Variants in CNOT9 observed in about 807,000 individuals in gnomAD.
CNOT9 encodes the protein CCR4-NOT transcription complex subunit 9, also known as RCD1 required for cell differentiation1 homolog.
In CNOT9, 8 loss-of-function variants were observed where a neutral mutation model predicts 37.4. The observed-to-expected ratio is 0.21, with a 90% CI of 0.13 to 0.39. The LOEUF is 0.39. Among genes scored for constraint, CNOT9 ranks in the 10% least tolerant of loss-of-function variants. The probability of loss-of-function intolerance (pLI) is 1.00; values close to 1 mark genes in which losing one functional copy is unlikely to be tolerated. For synonymous variants in CNOT9, 120 were observed against 137.6 expected (o/e 0.87, Z 0.90); for missense variants, 154 against 365.3 (o/e 0.42, Z 4.71).
intron 1 of CNOT9, among the ~76,000 whole-genome samples, chr2:218,578,810 A>G (rs1468016079): frequency 1.3e-5 from 2 of 152,216 alleles, no homozygotes; most frequent in African/African-American, 4.8e-5. Context: ...TTTTCCAGAT[A>G]AGAATAATTA....
At chr2:218,588,287 C>CTTTTTT (rs539751873) in intron 5 of CNOT9, among the ~76,000 whole-genome samples, 4,796 of 141,316 alleles carry the variant, frequency 0.034, 110 homozygotes, top group East Asian at 0.097. Context: ...AATCATATAT[C>CTTTTTT]TTTTTTTTTT....
intron 1 of CNOT9, 117 bp downstream of exon 1, chr2:218,569,095 T>TC (rs949826820): frequency 8.0e-6 from 9 of 1,119,230 alleles, no homozygotes; most frequent in Non-Finnish European, 1.2e-5. Flanking sequence ...GCCCTCAATC[T>TC]CCAAGGCCCC....
At chr2:218,585,649 T>TTA (rs1559248575) in intron 4 of CNOT9, among the ~76,000 whole-genome samples, 29 of 151,490 alleles carry the variant, frequency 1.9e-4, no homozygotes, top group South Asian at 6.2e-4. Flanking sequence ...TTTTTTTTTT[T>TTA]TTTTTTTGAG....
In CNOT9 at chr2:218,592,014, A is replaced by G. The variant is rs600057; in HGVS notation, c.541-290A>G. Reference sequence around the variant, plus strand: ...AGAATTTGATAATTACACGGAACCTACCCTTGTATGTAAAGTGAGAATAAT... The same window carrying G: ...AGAATTTGATAATTACACGGAACCTGCCCTTGTATGTAAAGTGAGAATAAT... On this transcript the variant is annotated intron_variant, in intron 5 of 7. Coordinates refer to ENST00000273064, the MANE Select transcript of CNOT9 (RefSeq NM_005444.3). The surrounding 1 kb of genome is among the most constrained non-coding windows in gnomAD (Gnocchi z 4.1). Among the ~76,000 whole-genome samples the G allele has an allele frequency of 0.61, 91,999 of 151,802 alleles. 28,085 individuals carry two copies. Among genetic ancestry groups the G allele is most frequent in the East Asian group, 0.78 (4,028 of 5,164 alleles).
At chr2:218,573,899 C>T (rs2106079248) in intron 1 of CNOT9, 2 of 296,214 alleles carry the variant, frequency 6.8e-6, no homozygotes, top group African/African-American at 4.6e-5. Context: ...GAGTTACCAC[C>T]TAAATTTTGA....
Position 218,583,223 on chromosome 2 carries a change from GTGTGTGTGTGTCTCTCTCTC to G in CNOT9, c.320+139_320+158del, listed in dbSNP as rs1456559122. On this transcript the variant is annotated intron_variant, in intron 3 of 7. Transcript: ENST00000273064. ...TGTGTGTGTGTGTGTGTGTGTGTGT[GTGTGTGTGTGTCTCTCTCTC>G]TCTCTCTCTCTCTCTCTCTCTCTCT... 115 of 365,104 alleles carry G rather than the reference GTGTGTGTGTGTCTCTCTCTC, an allele frequency of 3.1e-4. No individual in the cohort carries two copies. The East Asian group carries it at 4.7e-3, about 15-fold the overall frequency. The allele number at this position is 365,104 out of a possible 1,614,324, so 22.6% of individuals were successfully genotyped here. A position where few individuals can be genotyped will look rare whatever the true frequency, so the allele number is the denominator to read the frequency against.
rs567174355 is a variant in CNOT9, at chr2:218,570,137, G to C, written c.24+1159G>C. Among the ~76,000 whole-genome samples, 6 of 152,270 alleles carry C rather than the reference G, an allele frequency of 3.9e-5. No homozygotes were observed. In the South Asian group the frequency reaches 1.0e-3, roughly 26 times the overall value. On this transcript the variant is annotated intron_variant, in intron 1 of 7. Coordinates refer to ENST00000273064, the MANE Select transcript of CNOT9 (RefSeq NM_005444.3). ...TTGCTGCATGAAAGAATATTGAAGG[G>C]AAGGTGACCACTGAAAGAACATTGC...
chr2:218,584,474 C>T (rs1306801007), intron 3 of CNOT9, 138 bp from the exon 4 acceptor site: 1 of 717,552 alleles, frequency 1.4e-6, no homozygotes, highest in African/African-American at 1.7e-5. Context: ...AGACTAATGA[C>T]CAGTAACATT....
intron 1 of CNOT9, among the ~76,000 whole-genome samples, chr2:218,569,962 C>G (rs1046545879): frequency 6.6e-6 from 1 of 152,166 alleles, no homozygotes; most frequent in Non-Finnish European, 1.5e-5. Flanking sequence ...GTAGAGTACC[C>G]TTTACAGCCC....
chr2:218,588,587 C>CTTTT (rs1173246487), intron 5 of CNOT9, among the ~76,000 whole-genome samples: 6 of 36,302 alleles, frequency 1.7e-4, no homozygotes, highest in East Asian at 2.3e-3. Flanking sequence ...CTCCACCCGG[C>CTTTT]CTTTTTTTTT....
At chr2:218,578,684 T>C (rs1367447310) in intron 1 of CNOT9, among the ~76,000 whole-genome samples, 5 of 152,156 alleles carry the variant, frequency 3.3e-5, no homozygotes, top group Non-Finnish European at 1.5e-5. Context: ...TTATTTCTCA[T>C]GGTTGGGGGC....
intron 3 of CNOT9, 91 bp downstream of exon 3, chr2:218,583,177 G>A (rs1389934322): frequency 2.6e-6 from 2 of 769,138 alleles, no homozygotes; most frequent in African/African-American, 1.7e-5. Context: ...GCATGGAGGA[G>A]AGAGAGAGAG....
intron 3 of CNOT9, 116 bp from the exon 4 acceptor site, chr2:218,584,496 G>A: frequency 1.3e-6 from 1 of 787,760 alleles, no homozygotes; most frequent in Non-Finnish European, 2.2e-6. Flanking sequence ...TTTTCCTAAG[G>A]ATTCCTTGCT....
At position 218,581,099 on chromosome 2, in the gene CNOT9, G is replaced by A. The variant is rs535207065; in HGVS notation, c.204+359G>A. 447 of 451,086 alleles carry A rather than the reference G, an allele frequency of 9.9e-4. 8 individuals carry two copies. Among genetic ancestry groups the A allele is most frequent in the South Asian group, 6.7e-3 (423 of 63,114 alleles). 27.9% of individuals were successfully genotyped at this position (451,086 alleles called of 1,614,324 possible). ...CAGGGGGAGGAAGGTGGAAAGTAGA[G>A]TATAAGGACCACAAGGTACAATATA... is the stretch of plus-strand genomic sequence containing the variant. On this transcript the variant is annotated intron_variant, in intron 2 of 7. Coordinates refer to ENST00000273064, the MANE Select transcript of CNOT9 (RefSeq NM_005444.3).
At chr2:218,572,385 T>C (rs1029180278) in intron 1 of CNOT9, among the ~76,000 whole-genome samples, 5 of 151,994 alleles carry the variant, frequency 3.3e-5, no homozygotes, top group African/African-American at 1.2e-4. Flanking sequence ...CTCACTGATA[T>C]GTGACTTGTT....
At chr2:218,582,652 T>G (rs931529084) in intron 2 of CNOT9, among the ~76,000 whole-genome samples, 1 of 151,672 alleles carries the variant, frequency 6.6e-6, no homozygotes, top group African/African-American at 2.4e-5. Flanking sequence ...ATCGTGCCAC[T>G]GCACTCCAGC....
intron 1 of CNOT9, chr2:218,572,714 C>T (rs1694037971): frequency 2.0e-6 from 2 of 984,654 alleles, no homozygotes; most frequent in Non-Finnish European, 2.4e-6. Context: ...CGGAGGTAAG[C>T]CTTTAGGGGA....
intron 1 of CNOT9, chr2:218,572,754 T>A: frequency 1.1e-6 from 1 of 907,946 alleles, no homozygotes; most frequent in Non-Finnish European, 1.3e-6. Flanking sequence ...GTTTTTAATT[T>A]CCCACTGATT....
In CNOT9 at chr2:218,595,112, A is replaced by T. The variant is rs760684724; in HGVS notation, c.*836A>T. 6.6e-6 allele frequency: 1 copy of T among 152,192 alleles called. No individual in the cohort carries two copies. The highest frequency in any genetic ancestry group is 1.5e-5 in the Non-Finnish European group (1 of 68,050). The allele number at this position is 152,192 out of a possible 1,614,324, so 9.4% of individuals were successfully genotyped here. ...TCCCTTTTTGAACTTCCCTTCTATT[A>T]AACTTAAAACAGATGTCTTAATTAA... On this transcript the variant is annotated 3_prime_UTR_variant, in exon 8 of 8. Coordinates refer to ENST00000273064, the MANE Select transcript of CNOT9 (RefSeq NM_005444.3).
Sources: gnomAD v4.1 joint callset for allele counts (sites outside exome capture counted in the v4.1 genomes callset) on GRCh38, gnomAD v4.1.1 for gene constraint, Gnocchi (gnomAD v3.1) non-coding constraint, MANE v1.5 for transcripts, NCBI Gene and HGNC (gene_info 2026-07-23, HGNC 2026-07-21) for gene names.